ITIH2: variants seen among roughly 807,000 people sequenced by gnomAD.
ITIH2 encodes the protein inter-alpha-trypsin inhibitor heavy chain H2.
A neutral mutation model predicts 104.4 loss-of-function variants in ITIH2; 103 were observed. The observed-to-expected ratio is 0.99, with a 90% CI of 0.84 to 1.16. ITIH2 has a LOEUF of 1.16. Among genes scored for constraint, ITIH2 ranks in the 50% most tolerant of loss-of-function variants. The pLI is 0.00. For synonymous variants in ITIH2, 436 were observed against 435.4 expected (o/e 1.00, Z -0.02); for missense variants, 1,108 against 1,162.4 (o/e 0.95, Z 0.68).
rs755584306 is a variant in ITIH2, at chr10:7,749,430, A to AT, written c.*97dup. The AT allele has an allele frequency of 3.3e-5, 35 of 1,075,462 alleles. No individual in the cohort carries two copies. The highest frequency in any genetic ancestry group is 4.4e-5 in the Non-Finnish European group (33 of 745,658). The allele number at this position is 1,075,462 out of a possible 1,614,324, so 66.6% of individuals were successfully genotyped here. On this transcript the variant is annotated 3_prime_UTR_variant, in exon 21 of 21. Transcript: ENST00000358415. ...GGTTTGAATAATTAAAATGAACCAGATATCAGGGTGGTTAATTAAAATGAA... is the reference window on the plus strand; with the variant it reads ...GGTTTGAATAATTAAAATGAACCAGATTATCAGGGTGGTTAATTAAAATGAA...
intron 12 of ITIH2, among the ~76,000 whole-genome samples, chr10:7,730,972 G>A (rs1475519381): frequency 6.6e-6 from 1 of 152,162 alleles, no homozygotes; most frequent in East Asian, 1.9e-4. Flanking sequence ...GTTCAGGAGT[G>A]CAGTGCTGCG....
At chr10:7,723,143 A>AGCGGC (rs1834921303) in intron 8 of ITIH2, among the ~76,000 whole-genome samples, 2 of 149,646 alleles carry the variant, frequency 1.3e-5, no homozygotes, top group African/African-American at 2.5e-5. Flanking sequence ...CATGGCGTGG[A>AGCGGC]GTGGCGTGGC....
At chr10:7,722,659 T>A (rs947575157) in intron 8 of ITIH2, among the ~76,000 whole-genome samples, 1 of 152,144 alleles carries the variant, frequency 6.6e-6, no homozygotes. Flanking sequence ...CATTCCCCAC[T>A]ATCTCAACCT....
At chr10:7,705,222 A>T (rs780762240) in intron 2 of ITIH2, 40 bp downstream of exon 2, 4 of 1,348,572 alleles carry the variant, frequency 3.0e-6, no homozygotes, top group East Asian at 4.6e-5. Context: ...AAAAAAAGTG[A>T]AAGAGATTAT....
In ITIH2 at chr10:7,731,841, C is replaced by G; in HGVS notation, c.1492C>G (p.Leu498Val). 6.2e-7 allele frequency: 1 copy of G among 1,612,618 alleles called. No individual in the cohort carries two copies. The highest frequency in any genetic ancestry group is 1.7e-5 in the Admixed American group (1 of 59,864). The change falls in exon 13 of 21, where the codon CTC becomes GTC. Residue 498 changes from leucine (L) to valine (V), a missense_variant. Coordinates refer to ENST00000358415, the MANE Select transcript of ITIH2 (RefSeq NM_002216.3). ...CTACAACCAGGTCTCCACTCCATTG[C>G]TCCGGAATGTTCAGTTCAACTATCC... ...KFYNQVSTPLLRNVQFNYPHT... is the reference protein window; with the variant it reads ...KFYNQVSTPLVRNVQFNYPHT...
chr10:7,738,651 C>T lies in ITIH2; in HGVS notation c.1988C>T (p.Pro663Leu), dbSNP rs1487203881. ...GALYYGSKVV[P>L]DSTPSWANPS... ...CTGTATTACGGCAGCAAAGTGGTTC[C>T]AGATTCCACCCCGTCTTGGGCCAAT... Residue 663 changes from proline to leucine, a missense_variant, in exon 16 of 21, where the codon CCA becomes CTA. By Grantham distance (98) the Pro-to-Leu change is moderately conservative. Coordinates refer to ENST00000358415, the MANE Select transcript of ITIH2 (RefSeq NM_002216.3). The T allele has an allele frequency of 1.2e-6, 2 of 1,613,958 alleles. No homozygotes were observed. The highest frequency in any genetic ancestry group is 1.7e-6 in the Non-Finnish European group (2 of 1,179,952).
chr10:7,717,645 G>T lies in ITIH2; in HGVS notation c.487G>T (p.Glu163Ter). The T allele has an allele frequency of 6.2e-7, 1 of 1,613,718 alleles. No individual in the cohort carries two copies. Among genetic ancestry groups the T allele is most frequent in the Non-Finnish European group, 8.5e-7 (1 of 1,179,724 alleles). Reference sequence around the variant, plus strand: ...CTTTAGGAGCAGCGCTCTTGATATGGAAAACTTCAGAACGGAAGTAAATGT... The same window carrying T: ...CTTTAGGAGCAGCGCTCTTGATATGTAAAACTTCAGAACGGAAGTAAATGT... The part of the protein sequence containing the change: ...GLVRSSALDM[E>*]NFRTEVNVLP... The change falls in exon 6 of 21, where the codon GAA (glutamate) becomes TAA (stop). Residue 163 changes from glutamate to a stop codon, truncating the protein, a stop_gained. Coordinates refer to ENST00000358415, the MANE Select transcript of ITIH2 (RefSeq NM_002216.3). LOFTEE classifies it high-confidence loss of function.
chr10:7,746,779 C>G, intron 20 of ITIH2, 75 bp downstream of exon 20: 1 of 887,168 alleles, frequency 1.1e-6, no homozygotes, highest in Non-Finnish European at 1.9e-6. Flanking sequence ...AATAGAGGAG[C>G]AAAGAAGAAG....
chr10:7,718,634 G>A (rs1564300397), intron 6 of ITIH2, among the ~76,000 whole-genome samples: 1 of 152,108 alleles, frequency 6.6e-6, no homozygotes, highest in Non-Finnish European at 1.5e-5. Context: ...CCCAGGTAAT[G>A]AGCATAGTAC....
chr10:7,727,870 G>A (rs1279530889), intron 11 of ITIH2, 42 bp downstream of exon 11: 1 of 1,609,634 alleles, frequency 6.2e-7, no homozygotes, highest in Admixed American at 1.7e-5. Context: ...CACTTTCACT[G>A]TTGTTTCTTG....
At chr10:7,747,575 GTT>G (rs1472333907) in intron 20 of ITIH2, among the ~76,000 whole-genome samples, 1 of 152,112 alleles carries the variant, frequency 6.6e-6, no homozygotes, top group Admixed American at 6.5e-5. Flanking sequence ...TTAATAGTAA[GTT>G]ATCTGAAGTT....
At chr10:7,733,783 G>A (rs1689201370) in intron 14 of ITIH2, among the ~76,000 whole-genome samples, 1 of 152,068 alleles carries the variant, frequency 6.6e-6, no homozygotes, top group South Asian at 2.1e-4. Flanking sequence ...TATAAGACAG[G>A]ATTCTCAGGA....
chr10:7,729,235 C>G (rs757161050), intron 11 of ITIH2, among the ~76,000 whole-genome samples: 1 of 152,120 alleles, frequency 6.6e-6, no homozygotes, highest in Non-Finnish European at 1.5e-5. Context: ...ATCCCTTGAA[C>G]CCAGGAGGCG....
intron 12 of ITIH2, 151 bp downstream of exon 12, chr10:7,730,284 C>A (rs987560912): frequency 1.7e-6 from 1 of 581,820 alleles, no homozygotes; most frequent in Admixed American, 3.3e-5. Flanking sequence ...GTGCCCAGTT[C>A]CTTTCTCACA....
chr10:7,730,222 T>G (rs548982642), intron 12 of ITIH2, 89 bp downstream of exon 12: 17 of 980,478 alleles, frequency 1.7e-5, no homozygotes, highest in Non-Finnish European at 2.3e-5. Context: ...TAACTGAACT[T>G]AACTCAAAAT....
At position 7,729,938 on chromosome 10, in the gene ITIH2, A is replaced by C. The variant is rs1588457106; in HGVS notation, c.1280-14A>C. ...CTTCTTCATTCCTTTCCTTTCGGAC[A>C]TCACCAACTTTAGGCGAACTAAAAC... On this transcript the variant is annotated splice_polypyrimidine_tract_variant and intron_variant, in intron 11 of 20. Coordinates refer to ENST00000358415, the MANE Select transcript of ITIH2 (RefSeq NM_002216.3). 1.9e-6 allele frequency: 3 copies of C among 1,570,090 alleles called. No individual in the cohort carries two copies. In the East Asian group the frequency reaches 6.8e-5, roughly 36 times the overall value.
chr10:7,742,192 T>C (rs1302288100), intron 16 of ITIH2, among the ~76,000 whole-genome samples: 1 of 152,116 alleles, frequency 6.6e-6, no homozygotes, highest in African/African-American at 2.4e-5. Flanking sequence ...ACATAGATTT[T>C]TTTTTTCCTT....
intron 20 of ITIH2, among the ~76,000 whole-genome samples, chr10:7,748,927 GT>G (rs1413169554): frequency 6.6e-6 from 1 of 151,982 alleles, no homozygotes; most frequent in Non-Finnish European, 1.5e-5. Context: ...ATTGGCTACT[GT>G]TTCCCTCGCT....
At chr10:7,727,952 C>T in intron 11 of ITIH2, 124 bp downstream of exon 11, 1 of 1,140,784 alleles carries the variant, frequency 8.8e-7, no homozygotes. Flanking sequence ...TAAACCCATG[C>T]TTCCTAAAGG....
Sources: allele counts gnomAD v4.1 joint callset (sites outside exome capture counted in the v4.1 genomes callset), GRCh38; gene constraint gnomAD v4.1.1; transcripts MANE v1.5; gene names NCBI Gene and HGNC (gene_info 2026-07-23, HGNC 2026-07-21).